CDC42SE2: variants seen among roughly 807,000 people sequenced by gnomAD.
CDC42SE2 encodes CDC42 small effector protein 2.
Under a neutral mutation model 11.5 loss-of-function variants are expected in CDC42SE2, and 3 were observed. That is an observed-to-expected ratio of 0.26 (90% CI 0.12 to 0.67). The LOEUF is 0.67. CDC42SE2 is among the 30% of genes least tolerant of loss of function. The pLI, the probability that CDC42SE2 is intolerant of heterozygous loss-of-function variation, is 0.80. For synonymous variants in CDC42SE2, 33 were observed against 34.8 expected, an observed-to-expected ratio of 0.95 and a Z score of 0.18; for missense variants, 82 against 106.8, an observed-to-expected ratio of 0.77 and a Z score of 1.02.
chr5:131,361,072 TG>T (rs1333792819), intron 3 of CDC42SE2, among the ~76,000 whole-genome samples: 1 of 149,454 alleles, frequency 6.7e-6, no homozygotes, highest in South Asian at 2.1e-4. Context: ...TTTGTTTGTT[TG>T]TTTTTTTTTT....
chr5:131,361,012 A>G (rs1478380699), intron 3 of CDC42SE2, among the ~76,000 whole-genome samples: 1 of 130,820 alleles, frequency 7.6e-6, no homozygotes, highest in Admixed American at 7.3e-5. Flanking sequence ...ATTTTTCTTT[A>G]TTTTTTTTCT....
chr5:131,344,206 G>A (rs1487605524), intron 2 of CDC42SE2, among the ~76,000 whole-genome samples: 1 of 152,192 alleles, frequency 6.6e-6, no homozygotes, highest in Admixed American at 6.5e-5. Context: ...GCGGGGCATC[G>A]CCTCACCTGG....
At chr5:131,329,040 A>G (rs1244552253) in intron 2 of CDC42SE2, among the ~76,000 whole-genome samples, 1 of 152,212 alleles carries the variant, frequency 6.6e-6, no homozygotes, top group Non-Finnish European at 1.5e-5. Context: ...AGGGGCGGGA[A>G]GAGTGAATGC....
intron 2 of CDC42SE2, among the ~76,000 whole-genome samples, chr5:131,317,766 A>G (rs1758071278): frequency 6.6e-6 from 1 of 152,152 alleles, no homozygotes; most frequent in South Asian, 2.1e-4. Flanking sequence ...CAGTTATGGT[A>G]AAAGGAAAAA....
At chr5:131,362,918 A>AG (rs1157220854) in intron 3 of CDC42SE2, among the ~76,000 whole-genome samples, 2 of 152,098 alleles carry the variant, frequency 1.3e-5, no homozygotes, top group African/African-American at 2.4e-5. Flanking sequence ...AGGCCAAGGC[A>AG]GGGGGATTGC....
chr5:131,386,803 G>A (rs1750500467), intron 4 of CDC42SE2, among the ~76,000 whole-genome samples: 1 of 152,100 alleles, frequency 6.6e-6, no homozygotes, highest in African/African-American at 2.4e-5. Flanking sequence ...AAACCAGAAA[G>A]GATTTTATAA....
In CDC42SE2 at chr5:131,264,060, T is replaced by C. The variant is rs1386527655; in HGVS notation, c.-561T>C. On this transcript the variant is annotated 5_prime_UTR_variant, in exon 1 of 5. Coordinates refer to ENST00000505065, the MANE Select transcript of CDC42SE2 (RefSeq NM_001375635.1). ...GGGCGGGGAGGGGGAGCCAGGAAGCTGCGAGCGCGCTGGGGAGCGCAGCTG... is the reference window on the plus strand; with the variant it reads ...GGGCGGGGAGGGGGAGCCAGGAAGCCGCGAGCGCGCTGGGGAGCGCAGCTG... 1 of 151,766 alleles carries C rather than the reference T, an allele frequency of 6.6e-6. No homozygotes were observed. Among genetic ancestry groups the C allele is most frequent in the East Asian group, 1.9e-4 (1 of 5,158 alleles). 9.4% of individuals were successfully genotyped at this position (151,766 alleles called of 1,614,324 possible). A position where few individuals can be genotyped will look rare whatever the true frequency, so the allele number is the denominator to read the frequency against.
intron 2 of CDC42SE2, among the ~76,000 whole-genome samples, chr5:131,341,898 T>TAA (rs1056198794): frequency 7.3e-6 from 1 of 136,438 alleles, no homozygotes; most frequent in Non-Finnish European, 1.7e-5. Flanking sequence ...CTTGTCTCAA[T>TAA]AAAAAAAAAA....
chr5:131,229,519 A>G, the CDC42SE2 span, among the ~76,000 whole-genome samples: 3 of 152,126 alleles, frequency 2.0e-5, no homozygotes, highest in African/African-American at 7.2e-5. Flanking sequence ...CCTCCCAAGT[A>G]GCTGAGACTA....
rs2149792689 is a variant in CDC42SE2 at position 131,391,869 on chromosome 5, G to GT, written c.*779dup. The GT allele has an allele frequency of 6.6e-6, 1 of 152,276 alleles. No individual in the cohort carries two copies. Among genetic ancestry groups the GT allele is most frequent in the South Asian group, 2.1e-4 (1 of 4,818 alleles). The allele number at this position is 152,276 out of a possible 1,614,324, so 9.4% of individuals were successfully genotyped here. Reference sequence around the variant, plus strand: ...CTATATTTTCTCTGTCCACTATTCTGTAATTTTTTTTTGTCCTGTGATTGC... The same window carrying GT: ...CTATATTTTCTCTGTCCACTATTCTGTTAATTTTTTTTTGTCCTGTGATTGC... On this transcript the variant is annotated 3_prime_UTR_variant, in exon 5 of 5. Coordinates refer to ENST00000505065, the MANE Select transcript of CDC42SE2 (RefSeq NM_001375635.1).
chr5:131,279,388 C>T (rs1328870832), intron 1 of CDC42SE2, among the ~76,000 whole-genome samples: 3 of 151,694 alleles, frequency 2.0e-5, no homozygotes, highest in East Asian at 1.9e-4. Flanking sequence ...TATTGAAAGG[C>T]GTTACTTTTC....
At chr5:131,290,828 A>G (rs1757442661) in intron 1 of CDC42SE2, among the ~76,000 whole-genome samples, 1 of 152,114 alleles carries the variant, frequency 6.6e-6, no homozygotes, top group Admixed American at 6.6e-5. Context: ...AGTACTTTAC[A>G]GGCCAGCGAA....
chr5:131,287,212 C>G (rs1327508315), intron 1 of CDC42SE2, among the ~76,000 whole-genome samples: 1 of 152,074 alleles, frequency 6.6e-6, no homozygotes, highest in Non-Finnish European at 1.5e-5. Flanking sequence ...CCATGCTGGT[C>G]TCAAACTCCT....
rs149095334 is a variant in CDC42SE2, at chr5:131,377,251, G to A, written c.55-8292G>A. ...TGATGTGATCTTGACTCACTGCAAC[G>A]TCTGCCTCCCGGGTTCAAACGATTA... On this transcript the variant is annotated intron_variant, in intron 3 of 4. Transcript: ENST00000505065. Among the ~76,000 whole-genome samples, 192 of 150,168 alleles carry A rather than the reference G, an allele frequency of 1.3e-3. 2 individuals carry two copies. The highest frequency in any genetic ancestry group is 4.2e-3 in the African/African-American group (169 of 40,712).
chr5:131,269,969 G>C (rs974605732), intron 1 of CDC42SE2, among the ~76,000 whole-genome samples: 2 of 152,162 alleles, frequency 1.3e-5, no homozygotes, highest in Admixed American at 1.3e-4. Flanking sequence ...TCTGAGGCAG[G>C]AGAATTACTT....
intron 1 of CDC42SE2, among the ~76,000 whole-genome samples, chr5:131,291,303 G>A (rs1420118395): frequency 1.3e-5 from 2 of 151,956 alleles, no homozygotes; most frequent in African/African-American, 4.8e-5. Flanking sequence ...AAAATAGTCT[G>A]GTGGTACCCT....
Position 131,382,657 on chromosome 5 carries a change from A to G in CDC42SE2, c.55-2886A>G, listed in dbSNP as rs1204900975. Among the ~76,000 whole-genome samples, 5 of 152,166 alleles carry G rather than the reference A, an allele frequency of 3.3e-5. No individual in the cohort carries two copies. The East Asian group carries it at 9.6e-4, about 29-fold the overall frequency. Reference sequence around the variant, plus strand: ...GTGGCTCTCTCTGCATATCAGAAGCAGTTATCTTGACATGTTTACTGCAAA... The same window carrying G: ...GTGGCTCTCTCTGCATATCAGAAGCGGTTATCTTGACATGTTTACTGCAAA... On this transcript the variant is annotated intron_variant, in intron 3 of 4. Coordinates refer to ENST00000505065, the MANE Select transcript of CDC42SE2 (RefSeq NM_001375635.1).
At chr5:131,261,375 A>G (rs1196463838), upstream of CDC42SE2, 4 of 152,242 alleles carry the variant, frequency 2.6e-5, no homozygotes, top group African/African-American at 9.6e-5. Flanking sequence ...ACAGATTAAC[A>G]TTGATGAAAC....
At chr5:131,357,124 C>T (rs1466168274) in intron 2 of CDC42SE2, among the ~76,000 whole-genome samples, 2 of 152,208 alleles carry the variant, frequency 1.3e-5, no homozygotes, top group Non-Finnish European at 2.9e-5. Flanking sequence ...TTACCCAATT[C>T]ATTGGCCAAA....
Sources: gnomAD v4.1 joint callset for allele counts (sites outside exome capture counted in the v4.1 genomes callset) on GRCh38, gnomAD v4.1.1 for gene constraint, MANE v1.5 for transcripts, NCBI Gene and HGNC (gene_info 2026-07-23, HGNC 2026-07-21) for gene names.